ADCY2: variants seen among roughly 807,000 people sequenced by gnomAD.
The protein encoded by ADCY2 is adenylate cyclase 2.
ADCY2 carries 31 observed loss-of-function variants against 125.2 expected under a neutral mutation model. The observed-to-expected ratio is 0.25, with a 90% CI of 0.19 to 0.33. The LOEUF (loss-of-function observed/expected upper bound fraction) is 0.33, where lower values mean the gene tolerates loss of function less well. ADCY2 is among the 10% of genes least tolerant of loss of function. ADCY2 has a pLI of 1.00. For synonymous variants in ADCY2, 512 were observed against 548.4 expected, an observed-to-expected ratio of 0.93 and a Z score of 0.93; for missense variants, 904 against 1,418.2, an observed-to-expected ratio of 0.64 and a Z score of 5.82.
At chr5:7,599,403 T>C (rs1046173190) in intron 3 of ADCY2, among the ~76,000 whole-genome samples, 3 of 152,164 alleles carry the variant, frequency 2.0e-5, no homozygotes, top group South Asian at 4.1e-4. Context: ...CAAGGAGGAA[T>C]GTCCTGTTGC....
At chr5:7,591,570 G>T (rs1305744846) in intron 3 of ADCY2, among the ~76,000 whole-genome samples, 1 of 152,024 alleles carries the variant, frequency 6.6e-6, no homozygotes, top group Non-Finnish European at 1.5e-5. Context: ...TACTCATTTT[G>T]ATCATGTCGA....
At chr5:7,749,301 G>A (rs7443294) in intron 15 of ADCY2, among the ~76,000 whole-genome samples, 125,234 of 152,130 alleles carry the variant, frequency 0.82, 52,280 homozygotes, top group East Asian at 0.97. Flanking sequence ...TTATAATTGT[G>A]TTTAGATTAA....
chr5:7,644,818 C>A (rs1579271023), intron 4 of ADCY2, among the ~76,000 whole-genome samples: 1 of 152,240 alleles, frequency 6.6e-6, no homozygotes, highest in East Asian at 1.9e-4. Context: ...CAAAGCTACA[C>A]CCTTAGCTTA....
In ADCY2 at chr5:7,727,278, T is replaced by A; in HGVS notation, c.1871+17T>A. The A allele has an allele frequency of 6.2e-7, 1 of 1,605,422 alleles. No homozygotes were observed. Among genetic ancestry groups the A allele is most frequent in the Non-Finnish European group, 8.5e-7 (1 of 1,172,486 alleles). ...GCTGCCAAAGTAAGTACTTCTGGTT[T>A]CCACTGGGATTCTCACCTGGGGTGC... is the stretch of plus-strand genomic sequence containing the variant. On this transcript the variant is annotated intron_variant, in intron 14 of 24. Coordinates refer to ENST00000338316, the MANE Select transcript of ADCY2 (RefSeq NM_020546.3).
At position 7,396,272 on chromosome 5, in the gene ADCY2, G is replaced by T; in HGVS notation, c.-25G>T. The T allele has an allele frequency of 1.8e-6, 2 of 1,125,460 alleles. No individual in the cohort carries two copies. Among genetic ancestry groups the T allele is most frequent in the Non-Finnish European group, 2.2e-6 (2 of 918,790 alleles). 69.7% of individuals were successfully genotyped at this position (1,125,460 alleles called of 1,614,324 possible). On this transcript the variant is annotated 5_prime_UTR_variant, in exon 1 of 25. Coordinates refer to ENST00000338316, the MANE Select transcript of ADCY2 (RefSeq NM_020546.3). This position sits in a 1 kb window ranked among gnomAD's most constrained non-coding sequence, Gnocchi z 5.7. ...GGCGCTGCCCGGGCCGGGCGCGCAC[G>T]GCGGGCGCCCTGTGAGCGGCCCCGA...
At chr5:7,579,421 A>C (rs1207986868) in intron 3 of ADCY2, among the ~76,000 whole-genome samples, 1 of 152,212 alleles carries the variant, frequency 6.6e-6, no homozygotes, top group Non-Finnish European at 1.5e-5. Flanking sequence ...TAAAAAAAAG[A>C]GATCCACAGA....
chr5:7,624,625 C>T (rs144501847), intron 3 of ADCY2, among the ~76,000 whole-genome samples: 13 of 152,268 alleles, frequency 8.5e-5, no homozygotes, highest in African/African-American at 2.2e-4. Context: ...CCTCCCCCAC[C>T]GCATAGAGAA....
intron 16 of ADCY2, among the ~76,000 whole-genome samples, chr5:7,763,955 C>T (rs189434240): frequency 2.0e-5 from 3 of 152,280 alleles, no homozygotes; most frequent in East Asian, 3.9e-4. Context: ...TCCCGAGGCT[C>T]CACGTCAATT....
intron 2 of ADCY2, among the ~76,000 whole-genome samples, chr5:7,475,990 C>T (rs930685738): frequency 5.9e-5 from 9 of 152,018 alleles, no homozygotes; most frequent in African/African-American, 2.2e-4. Context: ...TGAAGTTCAC[C>T]ATAGTTTTTC....
chr5:7,822,150 T>G (rs2126542397), intron 24 of ADCY2, among the ~76,000 whole-genome samples: 1 of 152,336 alleles, frequency 6.6e-6, no homozygotes, highest in South Asian at 2.1e-4. Context: ...CATTACATTT[T>G]AAATCTACCA....
At chr5:7,592,849 C>G (rs1736894927) in intron 3 of ADCY2, among the ~76,000 whole-genome samples, 1 of 152,056 alleles carries the variant, frequency 6.6e-6, no homozygotes, top group East Asian at 1.9e-4. Context: ...GAAGCACCCC[C>G]CAGCCCACTA....
At chr5:7,713,009 TC>T in intron 11 of ADCY2, 110 bp downstream of exon 11, 1 of 783,348 alleles carries the variant, frequency 1.3e-6, no homozygotes, top group South Asian at 1.8e-5. Flanking sequence ...AAAGAGCAGC[TC>T]CCCCTGAAAA....
At chr5:7,563,055 T>C (rs959401144) in intron 3 of ADCY2, among the ~76,000 whole-genome samples, 2 of 152,226 alleles carry the variant, frequency 1.3e-5, no homozygotes, top group African/African-American at 4.8e-5. Flanking sequence ...ATTCCTGACA[T>C]CTTGGAGACA....
At chr5:7,704,470 A>G (rs6888514) in intron 7 of ADCY2, among the ~76,000 whole-genome samples, 81,902 of 152,056 alleles carry the variant, frequency 0.54, 23,125 homozygotes, top group East Asian at 0.85. Context: ...TTGATTTTAT[A>G]AGGGATTAAG....
chr5:7,830,066 C>G lies in ADCY2; in HGVS notation c.*3195C>G, dbSNP rs980089620. On this transcript the variant is annotated 3_prime_UTR_variant, in exon 25 of 25. Coordinates refer to ENST00000338316, the MANE Select transcript of ADCY2 (RefSeq NM_020546.3). ...CTGCACTCCAGCCTGGGTGACAGAG[C>G]GAGACTCTGTCTCAGAAAAAAAAAG... 6.8e-6 allele frequency: 1 copy of G among 147,058 alleles called. No individual in the cohort carries two copies. Among genetic ancestry groups the G allele is most frequent in the African/African-American group, 2.5e-5 (1 of 39,534 alleles). The allele number at this position is 147,058 out of a possible 1,614,324, so 9.1% of individuals were successfully genotyped here. A position where few individuals can be genotyped will look rare whatever the true frequency, so the allele number is the denominator to read the frequency against.
intron 4 of ADCY2, among the ~76,000 whole-genome samples, chr5:7,680,404 A>G (rs1035800530): frequency 4.6e-5 from 7 of 152,206 alleles, no homozygotes; most frequent in African/African-American, 1.7e-4. Context: ...CAGATGTGGT[A>G]AATGTGTGCA....
chr5:7,816,844 G>A, intron 22 of ADCY2, 22 bp from the exon 23 acceptor site: 1 of 1,597,656 alleles, frequency 6.3e-7, no homozygotes, highest in South Asian at 1.1e-5. Context: ...ACTTCCATCT[G>A]CCTGTGTGTG....
intron 4 of ADCY2, among the ~76,000 whole-genome samples, chr5:7,660,133 C>T (rs1009402391): frequency 1.3e-5 from 2 of 149,262 alleles, no homozygotes; most frequent in Non-Finnish European, 3.0e-5. Flanking sequence ...GATTCACCCA[C>T]ATGCAATTTA....
intron 3 of ADCY2, among the ~76,000 whole-genome samples, chr5:7,579,041 G>A (rs917718942): frequency 6.6e-6 from 1 of 152,206 alleles, no homozygotes; most frequent in African/African-American, 2.4e-5. Flanking sequence ...ATAAGTCTTA[G>A]GAAAGTCATT....
Sources: gnomAD v4.1 joint callset for allele counts (sites outside exome capture counted in the v4.1 genomes callset) on GRCh38, gnomAD v4.1.1 for gene constraint, Gnocchi (gnomAD v3.1) non-coding constraint, MANE v1.5 for transcripts, NCBI Gene and HGNC (gene_info 2026-07-23, HGNC 2026-07-21) for gene names.